The following STXBP5 variants were observed in gnomAD, a reference collection of about 807,000 sequenced individuals.
The protein encoded by STXBP5 is syntaxin-binding protein 5.
STXBP5 carries 50 observed loss-of-function variants against 152.4 expected under a neutral mutation model. The ratio of observed to expected loss-of-function variants is 0.33; its 90% CI spans 0.26 to 0.42. STXBP5 has a LOEUF of 0.42. Ranked by LOEUF, STXBP5 falls within the 10% of genes least tolerant of loss-of-function variation. STXBP5 has a pLI of 1.00. For missense variants in STXBP5, 1,167 were observed against 1,388.6 expected (o/e 0.84, Z 2.54); for synonymous variants, 492 against 494.7 (o/e 0.99, Z 0.07).
chr6:147,209,329 G>A (rs998107974), intron 2 of STXBP5, among the ~76,000 whole-genome samples: 5 of 152,064 alleles, frequency 3.3e-5, no homozygotes, highest in Non-Finnish European at 7.4e-5. Flanking sequence ...GATGAGGCAT[G>A]GATTGTCTTT....
intron 27 of STXBP5, 143 bp from the exon 28 acceptor site, chr6:147,384,570 CT>C: frequency 1.3e-6 from 1 of 791,170 alleles, no homozygotes. Context: ...GTTCTTACTG[CT>C]TTTAATAAGT....
At chr6:147,314,220 T>A in intron 12 of STXBP5, 44 bp from the exon 13 acceptor site, 1 of 1,494,394 alleles carries the variant, frequency 6.7e-7, no homozygotes, top group Non-Finnish European at 9.3e-7. Context: ...CGGAGGTATG[T>A]AGTATGCTTG....
At chr6:147,329,157 C>T (rs1444316473) in intron 18 of STXBP5, among the ~76,000 whole-genome samples, 1 of 150,772 alleles carries the variant, frequency 6.6e-6, no homozygotes, top group Admixed American at 6.6e-5. Flanking sequence ...AAATTAAATG[C>T]CTAGATTTAT....
intron 9 of STXBP5, chr6:147,292,463 T>C (rs1487131247): frequency 4.1e-6 from 1 of 245,398 alleles, no homozygotes; most frequent in Non-Finnish European, 8.1e-6. Context: ...GAGATGATAA[T>C]GTATGTAAAA....
intron 9 of STXBP5, among the ~76,000 whole-genome samples, chr6:147,294,044 A>G (rs986633667): frequency 2.0e-5 from 3 of 152,244 alleles, no homozygotes; most frequent in Non-Finnish European, 2.9e-5. Flanking sequence ...TAAAACTTAG[A>G]TCTGGAGAAA....
chr6:147,284,742 G>A (rs376027167), intron 8 of STXBP5, among the ~76,000 whole-genome samples: 2 of 152,324 alleles, frequency 1.3e-5, no homozygotes, highest in East Asian at 3.9e-4. Flanking sequence ...AGTTTAATAT[G>A]ACCAGAGTTT....
At chr6:147,242,291 G>A (rs906030333) in intron 4 of STXBP5, among the ~76,000 whole-genome samples, 24 of 151,860 alleles carry the variant, frequency 1.6e-4, no homozygotes, top group African/African-American at 5.3e-4. Flanking sequence ...GTAAGTGAAG[G>A]GTTATTATAA....
chr6:147,277,031 TATG>T (rs745465165), intron 7 of STXBP5, among the ~76,000 whole-genome samples: 5 of 152,110 alleles, frequency 3.3e-5, no homozygotes, highest in Non-Finnish European at 5.9e-5. Flanking sequence ...ATTTTTGACT[TATG>T]ATGAGTTTAT....
At chr6:147,251,813 G>C (rs766090655) in intron 4 of STXBP5, among the ~76,000 whole-genome samples, 8 of 152,158 alleles carry the variant, frequency 5.3e-5, no homozygotes, top group Non-Finnish European at 1.2e-4. Flanking sequence ...CTCGCAGCAG[G>C]GGTCGACAGA....
At chr6:147,258,159 A>G (rs1487801793) in intron 4 of STXBP5, among the ~76,000 whole-genome samples, 1 of 152,198 alleles carries the variant, frequency 6.6e-6, no homozygotes, top group Non-Finnish European at 1.5e-5. Flanking sequence ...CATGCAAGCC[A>G]CACGATCAAT....
intron 21 of STXBP5, among the ~76,000 whole-genome samples, chr6:147,346,327 G>A (rs1784327383): frequency 6.6e-6 from 1 of 152,182 alleles, no homozygotes; most frequent in African/African-American, 2.4e-5. Context: ...TACAAGCCAG[G>A]AGGACCGACT....
Position 147,377,283 on chromosome 6 carries a change from A to G in STXBP5, c.3193+3441A>G, listed in dbSNP as rs996933286. On this transcript the variant is annotated intron_variant, in intron 26 of 27. Transcript: ENST00000321680. ...AATTTATGACCATTGGTATGCAACT[A>G]AAGTAATCCTTAAGAGTGAAAATTT... is the stretch of plus-strand genomic sequence containing the variant. Among the ~76,000 whole-genome samples, 22 of 152,346 alleles carry G rather than the reference A, an allele frequency of 1.4e-4. 1 individual carries two copies. In the South Asian group the frequency reaches 4.1e-3, roughly 29 times the overall value.
intron 7 of STXBP5, among the ~76,000 whole-genome samples, chr6:147,269,364 C>G (rs1235200461): frequency 6.6e-6 from 1 of 152,140 alleles, no homozygotes; most frequent in Non-Finnish European, 1.5e-5. Flanking sequence ...ACTGAAAGGA[C>G]TAAACTGTTT....
Position 147,311,480 on chromosome 6 carries a change from T to C in STXBP5, c.1098T>C (p.Val366=). 6.2e-7 allele frequency: 1 copy of C among 1,612,276 alleles called. No individual in the cohort carries two copies. The highest frequency in any genetic ancestry group is 1.3e-5 in the African/African-American group (1 of 74,958). ...ATTTTCAAGAACCATATGCTGTGGT[T>C]GTTCTTCTAGAAAAGGATTTAGTAC... ...PNDFQEPYAV[V]VLLEKDLVLI... Residue 366 remains valine, a synonymous_variant, in exon 11 of 28, where the codon GTT becomes GTC. Coordinates refer to ENST00000321680, the MANE Select transcript of STXBP5 (RefSeq NM_001127715.4).
At chr6:147,271,295 C>T (rs1780155827) in intron 7 of STXBP5, among the ~76,000 whole-genome samples, 1 of 151,778 alleles carries the variant, frequency 6.6e-6, no homozygotes, top group African/African-American at 2.4e-5. Flanking sequence ...CAAAAGGAAA[C>T]CAAAATGACT....
At chr6:147,228,088 T>C (rs77869878) in intron 2 of STXBP5, among the ~76,000 whole-genome samples, 34 of 152,230 alleles carry the variant, frequency 2.2e-4, no homozygotes, top group East Asian at 1.9e-3. Flanking sequence ...CTGGGCTTTT[T>C]CATCTTTTTT....
intron 8 of STXBP5, among the ~76,000 whole-genome samples, chr6:147,284,855 C>A (rs1780880894): frequency 6.6e-6 from 1 of 152,112 alleles, no homozygotes; most frequent in Non-Finnish European, 1.5e-5. Context: ...ATAATGGAGA[C>A]CTAGTAATTG....
chr6:147,313,404 A>G (rs1376176914), intron 11 of STXBP5, among the ~76,000 whole-genome samples: 1 of 152,182 alleles, frequency 6.6e-6, no homozygotes, highest in African/African-American at 2.4e-5. Context: ...GAATTTTATT[A>G]TGTATTATTA....
At chr6:147,261,893 T>C (rs1376686341) in intron 5 of STXBP5, among the ~76,000 whole-genome samples, 1 of 152,012 alleles carries the variant, frequency 6.6e-6, no homozygotes, top group Non-Finnish European at 1.5e-5. Context: ...TAGAATGTTT[T>C]TCTATTTCTA....
Sources: allele counts gnomAD v4.1 joint callset (sites outside exome capture counted in the v4.1 genomes callset), GRCh38; gene constraint gnomAD v4.1.1; transcripts MANE v1.5; gene names NCBI Gene and HGNC (gene_info 2026-07-23, HGNC 2026-07-21).